Variants in UTS2 observed in about 807,000 individuals in gnomAD.
UTS2 encodes urotensin 2.
A neutral mutation model predicts 12.6 loss-of-function variants in UTS2; 10 were observed. The observed-to-expected ratio is 0.80, with a 90% CI of 0.49 to 1.35. The LOEUF is 1.35. Among genes scored for constraint, UTS2 ranks in the 40% most tolerant of loss-of-function variants. The probability of loss-of-function intolerance (pLI) is 0.00; values close to 1 mark genes in which losing one functional copy is unlikely to be tolerated. For missense variants in UTS2, 142 were observed against 143.2 expected, an observed-to-expected ratio of 0.99 and a Z score of 0.04; for synonymous variants, 52 against 50.0, an observed-to-expected ratio of 1.04 and a Z score of -0.17.
the UTS2 span, among the ~76,000 whole-genome samples, chr1:7,873,200 G>A: frequency 6.6e-6 from 1 of 152,194 alleles, no homozygotes; most frequent in Non-Finnish European, 1.5e-5. Context: ...TCACTCAAGA[G>A]CTCTGATTAG....
chr1:7,851,040 G>T, intron 1 of UTS2, 118 bp from the exon 2 acceptor site: 2 of 876,014 alleles, frequency 2.3e-6, no homozygotes, highest in East Asian at 2.6e-5. Flanking sequence ...AACTTCCAAC[G>T]CTGAGTTCAT....
At chr1:7,900,346 C>A in the UTS2 span, among the ~76,000 whole-genome samples, 2 of 151,732 alleles carry the variant, frequency 1.3e-5, no homozygotes, top group Admixed American at 6.6e-5. Flanking sequence ...CTGCAGTGAG[C>A]CTTGATTGTA....
chr1:7,877,711 A>G, the UTS2 span, among the ~76,000 whole-genome samples: 2 of 152,136 alleles, frequency 1.3e-5, no homozygotes, highest in African/African-American at 2.4e-5. Flanking sequence ...TGTCTCTACT[A>G]AAAATACAAA....
the UTS2 span, among the ~76,000 whole-genome samples, chr1:7,876,115 C>T: frequency 6.6e-6 from 1 of 152,200 alleles, no homozygotes; most frequent in Non-Finnish European, 1.5e-5. Context: ...GGGGATTGAT[C>T]TGCCCCCCTG....
the UTS2 span, among the ~76,000 whole-genome samples, chr1:7,875,575 C>T: frequency 6.6e-6 from 1 of 152,112 alleles, no homozygotes; most frequent in Non-Finnish European, 1.5e-5. Context: ...TGTTCATGCA[C>T]ACCATTGGGG....
chr1:7,862,194 G>A, the UTS2 span, among the ~76,000 whole-genome samples: 21,840 of 151,338 alleles, frequency 0.14, 1,870 homozygotes, highest in Non-Finnish European at 0.18. Context: ...CAAAGTGCTG[G>A]GATTACCGGT....
chr1:7,863,043 G>GTATTGTATTGTATTGTATTGTATTGTAT, the UTS2 span, among the ~76,000 whole-genome samples: 1 of 28,914 alleles, frequency 3.5e-5, no homozygotes, highest in African/African-American at 9.6e-5. Context: ...GTATTGTATT[G>GTATTGTATTGTATTGTATTGTATTGTAT]TATTGTATTG....
At chr1:7,900,097 T>C in the UTS2 span, among the ~76,000 whole-genome samples, 2 of 152,156 alleles carry the variant, frequency 1.3e-5, no homozygotes, top group South Asian at 2.1e-4. Context: ...TTCCTGAATG[T>C]AGAAATATCA....
chr1:7,851,884 G>A (rs2097414526), intron 1 of UTS2, among the ~76,000 whole-genome samples: 1 of 152,184 alleles, frequency 6.6e-6, no homozygotes, highest in African/African-American at 2.4e-5. Flanking sequence ...TAAATTACTT[G>A]TAAAATTTTT....
chr1:7,904,903 CAAA>C, the UTS2 span, among the ~76,000 whole-genome samples: 1,555 of 58,164 alleles, frequency 0.027, 13 homozygotes, highest in African/African-American at 0.089. Context: ...GACTCTGTCT[CAAA>C]AAAAAAAAAA....
At chr1:7,909,271 T>G in the UTS2 span, among the ~76,000 whole-genome samples, 8,307 of 152,128 alleles carry the variant, frequency 0.055, 742 homozygotes, top group African/African-American at 0.19. Flanking sequence ...TATTTTTTAG[T>G]ACTGGGCTTA....
At chr1:7,872,923 C>T in the UTS2 span, among the ~76,000 whole-genome samples, 2 of 152,078 alleles carry the variant, frequency 1.3e-5, no homozygotes, top group African/African-American at 2.4e-5. Context: ...AAGGACAGGC[C>T]GACTCCATTG....
At chr1:7,849,819 A>G in intron 2 of UTS2, 136 bp from the exon 3 acceptor site, 6 of 713,534 alleles carry the variant, frequency 8.4e-6, no homozygotes, top group Non-Finnish European at 1.3e-5. Context: ...CTTTTCTTGA[A>G]TGCAGACAGA....
At chr1:7,908,439 C>A in the UTS2 span, among the ~76,000 whole-genome samples, 1 of 130,672 alleles carries the variant, frequency 7.7e-6, no homozygotes, top group Non-Finnish European at 1.5e-5. Flanking sequence ...CCGGCCTGGG[C>A]GACAGAGTGA....
the UTS2 span, among the ~76,000 whole-genome samples, chr1:7,877,058 A>G: frequency 0.026 from 3,830 of 145,784 alleles, 90 homozygotes; most frequent in Non-Finnish European, 0.037. Flanking sequence ...TGAACCCCAG[A>G]GGCAGGGTTG....
the UTS2 span, among the ~76,000 whole-genome samples, chr1:7,900,541 C>A: frequency 6.6e-6 from 1 of 152,118 alleles, no homozygotes; most frequent in African/African-American, 2.4e-5. Flanking sequence ...CTTTGGGAGG[C>A]CAAGCCAGGT....
chr1:7,893,238 C>A, the UTS2 span, among the ~76,000 whole-genome samples: 928 of 152,290 alleles, frequency 6.1e-3, 8 homozygotes, highest in South Asian at 0.011. Context: ...TTAGGCCGGG[C>A]GCAGTGGCTC....
chr1:7,864,074 G>A, the UTS2 span, among the ~76,000 whole-genome samples: 2 of 152,256 alleles, frequency 1.3e-5, no homozygotes, highest in African/African-American at 4.8e-5. Flanking sequence ...AGGTCACAGC[G>A]AGGCCCCAGG....
At chr1:7,901,632 A>G in the UTS2 span, among the ~76,000 whole-genome samples, 14,506 of 142,528 alleles carry the variant, frequency 0.1, 1,818 homozygotes, top group African/African-American at 0.32. Context: ...GTGTGTGTGT[A>G]TATATATATT....
Sources: gnomAD v4.1 joint callset for allele counts (sites outside exome capture counted in the v4.1 genomes callset) on GRCh38, gnomAD v4.1.1 for gene constraint, MANE v1.5 for transcripts, NCBI Gene and HGNC (gene_info 2026-07-23, HGNC 2026-07-21) for gene names.